The following CDH19 variants were observed in gnomAD, a reference collection of about 807,000 sequenced individuals.
The protein encoded by CDH19 is cadherin-19.
In CDH19, 67 loss-of-function variants were observed where a neutral mutation model predicts 64.2. That is an observed-to-expected ratio of 1.04 (90% CI 0.86 to 1.28). CDH19 has a LOEUF of 1.28. Ranked by LOEUF, CDH19 falls within the 50% of genes most tolerant of loss-of-function variation. The pLI, the probability that CDH19 is intolerant of heterozygous loss-of-function variation, is 0.00. For missense variants in CDH19, 1,030 were observed against 929.0 expected, an observed-to-expected ratio of 1.11 and a Z score of -1.41; for synonymous variants, 346 against 319.3, an observed-to-expected ratio of 1.08 and a Z score of -0.89.
At chr18:66,553,945 G>A (rs1035228282) in intron 4 of CDH19, among the ~76,000 whole-genome samples, 2 of 89,864 alleles carry the variant, frequency 2.2e-5, no homozygotes, top group South Asian at 7.3e-4. Flanking sequence ...CAATGTGTAC[G>A]CTTAGCCTTA....
intron 9 of CDH19, among the ~76,000 whole-genome samples, chr18:66,523,740 T>G (rs1598979056): frequency 6.6e-6 from 1 of 150,990 alleles, no homozygotes; most frequent in African/African-American, 2.4e-5. Flanking sequence ...ACCACACAAA[T>G]CCCCACACGT....
intron 1 of CDH19, among the ~76,000 whole-genome samples, chr18:66,597,262 G>A (rs1988924630): frequency 6.7e-6 from 1 of 149,994 alleles, no homozygotes; most frequent in Non-Finnish European, 1.5e-5. Flanking sequence ...TACAAAAACA[G>A]ACTCATAGAC....
At chr18:66,514,574 T>C (rs1200045145) in intron 9 of CDH19, among the ~76,000 whole-genome samples, 1 of 151,502 alleles carries the variant, frequency 6.6e-6, no homozygotes, top group African/African-American at 2.4e-5. Context: ...TATAAATGTA[T>C]GAAATTAATA....
chr18:66,603,162 TG>T (rs1328626085), intron 1 of CDH19, among the ~76,000 whole-genome samples: 1 of 150,720 alleles, frequency 6.6e-6, no homozygotes, highest in African/African-American at 2.4e-5. Flanking sequence ...AAATATTTTA[TG>T]TTTTTATATT....
chr18:66,574,195 G>A (rs778152318), intron 1 of CDH19, among the ~76,000 whole-genome samples: 27 of 151,526 alleles, frequency 1.8e-4, no homozygotes, highest in Non-Finnish European at 4.4e-5. Context: ...TCTGAATGTT[G>A]CTAATTGTAT....
chr18:66,550,307 T>G (rs1188113214), intron 5 of CDH19, among the ~76,000 whole-genome samples: 1 of 152,126 alleles, frequency 6.6e-6, no homozygotes, highest in Non-Finnish European at 1.5e-5. Context: ...GCTTAAATTA[T>G]TAGAGCAGGT....
intron 3 of CDH19, among the ~76,000 whole-genome samples, chr18:66,555,078 A>T (rs941519002): frequency 1.3e-5 from 2 of 151,878 alleles, no homozygotes; most frequent in African/African-American, 4.8e-5. Context: ...TTTAAAAAGC[A>T]AAGTAAAATC....
intron 1 of CDH19, among the ~76,000 whole-genome samples, chr18:66,583,568 C>T (rs981097128): frequency 6.6e-6 from 1 of 152,004 alleles, no homozygotes; most frequent in African/African-American, 2.4e-5. Context: ...ATTTAGCTCC[C>T]ACTTATAAGT....
At chr18:66,573,454 T>TGTTAAAA (rs1988169349) in intron 1 of CDH19, among the ~76,000 whole-genome samples, 1 of 151,606 alleles carries the variant, frequency 6.6e-6, no homozygotes, top group Admixed American at 6.6e-5. Flanking sequence ...ATGTATTCCT[T>TGTTAAAA]GTTAAAAGTT....
At position 66,559,380 on chromosome 18, in the gene CDH19, T is replaced by C. The variant is rs1253905880; in HGVS notation, c.491-4856A>G. Among the ~76,000 whole-genome samples, 6 of 151,972 alleles carry C rather than the reference T, an allele frequency of 3.9e-5. 1 individual carries two copies. The highest frequency in any genetic ancestry group is 3.9e-4 in the Admixed American group (6 of 15,212). On this transcript the variant is annotated intron_variant, in intron 3 of 11. Coordinates refer to ENST00000262150, the MANE Select transcript of CDH19 (RefSeq NM_021153.4). Reference sequence around the variant, plus strand: ...ATTTAATTGTGAAGAGTTAAAACTTTTCCTCTGCAATAATAAAAAGAAAAA... The same window carrying C: ...ATTTAATTGTGAAGAGTTAAAACTTCTCCTCTGCAATAATAAAAAGAAAAA...
At chr18:66,588,219 C>T (rs1431775786) in intron 1 of CDH19, among the ~76,000 whole-genome samples, 1 of 152,070 alleles carries the variant, frequency 6.6e-6, no homozygotes, top group Non-Finnish European at 1.5e-5. Flanking sequence ...TGAGGGTGAT[C>T]CTGCAATGGG....
intron 9 of CDH19, among the ~76,000 whole-genome samples, chr18:66,526,205 T>A (rs540409782): frequency 1.3e-5 from 2 of 152,232 alleles, no homozygotes; most frequent in Non-Finnish European, 2.9e-5. Flanking sequence ...TATTGCTACA[T>A]TATATGATGT....
chr18:66,579,606 C>CA (rs968245680), intron 1 of CDH19, among the ~76,000 whole-genome samples: 32 of 151,544 alleles, frequency 2.1e-4, no homozygotes, highest in Non-Finnish European at 4.0e-4. Context: ...TTTGACATGT[C>CA]AAAAAAAGCA....
At chr18:66,562,091 G>T (rs899893966) in intron 3 of CDH19, among the ~76,000 whole-genome samples, 7 of 151,874 alleles carry the variant, frequency 4.6e-5, no homozygotes, top group African/African-American at 1.7e-4. Flanking sequence ...TGGCACCAGG[G>T]ACCAGTTTCG....
chr18:66,539,134 T>G (rs1223733852), intron 7 of CDH19, among the ~76,000 whole-genome samples: 1 of 152,160 alleles, frequency 6.6e-6, no homozygotes, highest in African/African-American at 2.4e-5. Flanking sequence ...TAATCTTGTA[T>G]CTTTCTGCCT....
At chr18:66,541,211 C>T (rs1383403231) in intron 7 of CDH19, among the ~76,000 whole-genome samples, 1 of 152,076 alleles carries the variant, frequency 6.6e-6, no homozygotes, top group Non-Finnish European at 1.5e-5. Flanking sequence ...TTTACAGAAA[C>T]AGCAGGTGAT....
At chr18:66,571,673 T>C (rs984896959) in intron 2 of CDH19, among the ~76,000 whole-genome samples, 7 of 151,508 alleles carry the variant, frequency 4.6e-5, no homozygotes, top group Non-Finnish European at 7.4e-5. Flanking sequence ...TAACAGAAAA[T>C]CGGGCTAAAT....
In CDH19 at chr18:66,527,926, T is replaced by G. The variant is rs896994577; in HGVS notation, c.1458+1919A>C. 4.6e-5 allele frequency among the ~76,000 whole-genome samples: 7 copies of G among 151,804 alleles called. No individual in the cohort carries two copies. The East Asian group carries it at 1.4e-3, about 29-fold the overall frequency. ...TTCATATGTACACTTCATATGTACA[T>G]GAAATGAATGAAATAATTTACTATA... On this transcript the variant is annotated intron_variant, in intron 9 of 11. Coordinates refer to ENST00000262150, the MANE Select transcript of CDH19 (RefSeq NM_021153.4).
chr18:66,565,550 A>T (rs901400103), intron 3 of CDH19, among the ~76,000 whole-genome samples: 1 of 152,020 alleles, frequency 6.6e-6, no homozygotes, highest in Non-Finnish European at 1.5e-5. Flanking sequence ...TCAAAAACTT[A>T]AATGGCCGTG....
Sources: allele counts gnomAD v4.1 joint callset (sites outside exome capture counted in the v4.1 genomes callset), GRCh38; gene constraint gnomAD v4.1.1; transcripts MANE v1.5; gene names NCBI Gene and HGNC (gene_info 2026-07-23, HGNC 2026-07-21).